ANK2: variants seen among roughly 807,000 people sequenced by gnomAD.
ANK2 encodes ankyrin 2.
ANK2 carries 83 observed loss-of-function variants against 360.5 expected under a neutral mutation model. The ratio of observed to expected loss-of-function variants is 0.23; its 90% CI spans 0.19 to 0.28. The LOEUF (loss-of-function observed/expected upper bound fraction) is 0.28, where lower values mean the gene tolerates loss of function less well. Ranked by LOEUF, ANK2 falls within the 10% of genes least tolerant of loss-of-function variation. ANK2 has a pLI of 1.00. For missense variants in ANK2, 4,201 were observed against 4,795.7 expected (o/e 0.88, Z 3.66); for synonymous variants, 1,740 against 1,759.5 (o/e 0.99, Z 0.28).
intron 1 of ANK2, among the ~76,000 whole-genome samples, chr4:113,173,544 C>T (rs1304913462): frequency 6.6e-6 from 1 of 152,048 alleles, no homozygotes; most frequent in Non-Finnish European, 1.5e-5. Flanking sequence ...AGTTTATCAT[C>T]GTTATTATGT....
At chr4:113,144,041 C>A (rs2096740325) in intron 1 of ANK2, among the ~76,000 whole-genome samples, 1 of 147,244 alleles carries the variant, frequency 6.8e-6, no homozygotes, top group African/African-American at 2.7e-5. Context: ...GTTTAGATTT[C>A]ATGTTCCTTT....
At chr4:113,113,551 C>T (rs1209461167) in intron 1 of ANK2, among the ~76,000 whole-genome samples, 7 of 152,156 alleles carry the variant, frequency 4.6e-5, no homozygotes, top group Non-Finnish European at 7.3e-5. Flanking sequence ...TAAATGTGAA[C>T]GGACAGTGTG....
At chr4:112,919,169 G>A (rs2090784402) in intron 2 of ANK2, among the ~76,000 whole-genome samples, 1 of 152,088 alleles carries the variant, frequency 6.6e-6, no homozygotes, top group South Asian at 2.1e-4. Flanking sequence ...ATTGACAATT[G>A]GCAATAGCAT....
intron 13 of ANK2, among the ~76,000 whole-genome samples, chr4:113,258,844 A>G (rs756090473): frequency 1.3e-5 from 2 of 152,228 alleles, no homozygotes; most frequent in African/African-American, 4.8e-5. Context: ...ACCTTAACAA[A>G]AGATTAACCA....
chr4:113,260,362 A>G (rs1447758159), intron 13 of ANK2, among the ~76,000 whole-genome samples: 1 of 152,202 alleles, frequency 6.6e-6, no homozygotes, highest in Non-Finnish European at 1.5e-5. Flanking sequence ...AAATTTGACA[A>G]TCATTATATT....
At chr4:113,307,086 C>T (rs998943462) in intron 23 of ANK2, among the ~76,000 whole-genome samples, 1 of 152,196 alleles carries the variant, frequency 6.6e-6, no homozygotes, top group South Asian at 2.1e-4. Flanking sequence ...GAATGTGACT[C>T]ATGTATGCCT....
the ANK2 span, among the ~76,000 whole-genome samples, chr4:112,714,344 G>A: frequency 6.6e-6 from 1 of 152,082 alleles, no homozygotes; most frequent in East Asian, 1.9e-4. Context: ...CACCATGCCT[G>A]GCTAATTTTT....
the ANK2 span, among the ~76,000 whole-genome samples, chr4:112,708,935 G>T: frequency 4.1e-4 from 62 of 152,184 alleles, no homozygotes; most frequent in Middle Eastern, 3.4e-3. Context: ...TTTGAACAAA[G>T]ATTTTTTTAA....
intron 17 of ANK2, among the ~76,000 whole-genome samples, chr4:113,280,118 A>T (rs923160084): frequency 3.3e-5 from 5 of 152,120 alleles, no homozygotes; most frequent in Admixed American, 6.6e-5. Context: ...CTCAACATAG[A>T]TACAAAAGAC....
At chr4:113,340,188 T>C (rs191347203) in intron 32 of ANK2, among the ~76,000 whole-genome samples, 187 of 152,248 alleles carry the variant, frequency 1.2e-3, no homozygotes, top group African/African-American at 4.3e-3. Context: ...GAATAAGAGA[T>C]ATAGACCAGA....
At chr4:113,019,184 C>T (rs983520989) in intron 2 of ANK2, among the ~76,000 whole-genome samples, 2 of 152,088 alleles carry the variant, frequency 1.3e-5, no homozygotes, top group African/African-American at 4.8e-5. Context: ...TAAAATATCC[C>T]ATTAACATAT....
the ANK2 span, among the ~76,000 whole-genome samples, chr4:112,796,429 A>G: frequency 1.4e-5 from 2 of 146,106 alleles, no homozygotes; most frequent in African/African-American, 5.2e-5. Flanking sequence ...GTCTCAAAAA[A>G]AAATATCTAT....
chr4:113,150,945 C>A, intron 1 of ANK2: 1 of 649,110 alleles, frequency 1.5e-6, no homozygotes, highest in Non-Finnish European at 2.3e-6. Context: ...GTCTGCATAT[C>A]ATAAGCTCTA....
intron 1 of ANK2, among the ~76,000 whole-genome samples, chr4:113,098,904 A>G (rs548690121): frequency 4.6e-5 from 7 of 152,124 alleles, no homozygotes; most frequent in African/African-American, 1.4e-4. Flanking sequence ...GAAAAATCGT[A>G]TGATCATATA....
intron 2 of ANK2, among the ~76,000 whole-genome samples, chr4:113,186,560 GTCTCTCTC>G (rs932864935): frequency 4.2e-5 from 3 of 71,608 alleles, no homozygotes; most frequent in Non-Finnish European, 4.8e-5. Context: ...ATCTTCCCGT[GTCTCTCTC>G]TCTCTCTCTC....
chr4:113,135,623 T>C (rs1354687130), intron 1 of ANK2, among the ~76,000 whole-genome samples: 2 of 152,058 alleles, frequency 1.3e-5, no homozygotes, highest in East Asian at 3.8e-4. Flanking sequence ...TTAGCAATGA[T>C]TACTCTCCAT....
chr4:112,890,556 G>GTT (rs754680934), intron 1 of ANK2, among the ~76,000 whole-genome samples: 1,238 of 67,442 alleles, frequency 0.018, 267 homozygotes, highest in East Asian at 0.14. Flanking sequence ...CATTTCTGTG[G>GTT]TTTTTTTTTT....
intron 4 of ANK2, among the ~76,000 whole-genome samples, chr4:113,208,728 C>T (rs2098985148): frequency 6.6e-6 from 1 of 151,848 alleles, no homozygotes; most frequent in Non-Finnish European, 1.5e-5. Flanking sequence ...GCCTTGAACT[C>T]CTGGGTTCAA....
rs752229740 is a variant in ANK2, at chr4:113,293,325, T to A, written c.2377-115T>A. On this transcript the variant is annotated intron_variant, in intron 21 of 45. Coordinates refer to ENST00000357077, the MANE Select transcript of ANK2 (RefSeq NM_001148.6). The stretch of plus-strand genomic sequence containing the variant: ...GTAAAAACTAGTGATTTTCCTAAGC[T>A]GTGCCTTGTTTTGGAAGGAAATGCT... The A allele has an allele frequency of 1.3e-5, 12 of 897,480 alleles. No individual in the cohort carries two copies. In the East Asian group the frequency reaches 2.6e-4, roughly 19 times the overall value. 55.6% of individuals were successfully genotyped at this position (897,480 alleles called of 1,614,324 possible). A position where few individuals can be genotyped will look rare whatever the true frequency, so the allele number is the denominator to read the frequency against.
Sources: allele counts gnomAD v4.1 joint callset (sites outside exome capture counted in the v4.1 genomes callset), GRCh38; gene constraint gnomAD v4.1.1; transcripts MANE v1.5; gene names NCBI Gene and HGNC (gene_info 2026-07-23, HGNC 2026-07-21).